The following SMARCC1 variants were observed in gnomAD, a reference collection of about 807,000 sequenced individuals.
SMARCC1 encodes the protein SWI/SNF related BAF chromatin remodeling complex subunit C1.
SMARCC1 carries 43 observed loss-of-function variants against 147.4 expected under a neutral mutation model. The ratio of observed to expected loss-of-function variants is 0.29; its 90% CI spans 0.23 to 0.38. SMARCC1 has a LOEUF of 0.38. Ranked by LOEUF, SMARCC1 falls within the 10% of genes least tolerant of loss-of-function variation. The pLI, the probability that SMARCC1 is intolerant of heterozygous loss-of-function variation, is 1.00. For missense variants in SMARCC1, 1,119 were observed against 1,381.1 expected, an observed-to-expected ratio of 0.81 and a Z score of 3.01; for synonymous variants, 495 against 484.4, an observed-to-expected ratio of 1.02 and a Z score of -0.29.
chr3:47,592,976 T>G (rs1028575473), intron 26 of SMARCC1, among the ~76,000 whole-genome samples: 4 of 152,040 alleles, frequency 2.6e-5, no homozygotes, highest in Admixed American at 6.6e-5. Context: ...TGCACCACCA[T>G]GCCTGGCTCT....
At chr3:47,590,959 A>ATTATT in intron 26 of SMARCC1, 122 bp from the exon 27 acceptor site, 3 of 855,970 alleles carry the variant, frequency 3.5e-6, no homozygotes, top group Non-Finnish European at 5.4e-6. Context: ...ATATCAACAG[A>ATTATT]GCAATAATCT....
At chr3:47,662,636 A>G in intron 19 of SMARCC1, 44 bp from the exon 20 acceptor site, 1 of 1,551,580 alleles carries the variant, frequency 6.4e-7, no homozygotes, top group Non-Finnish European at 8.8e-7. Flanking sequence ...GTAACAAGAA[A>G]GTAATGTGTA....
intron 26 of SMARCC1, among the ~76,000 whole-genome samples, chr3:47,596,489 C>T (rs1422620018): frequency 6.6e-6 from 1 of 151,210 alleles, no homozygotes; most frequent in African/African-American, 2.4e-5. Flanking sequence ...ATTGCTTGAA[C>T]GTGGGAGGCG....
chr3:47,640,645 A>G (rs2033036589), intron 21 of SMARCC1, among the ~76,000 whole-genome samples: 1 of 152,192 alleles, frequency 6.6e-6, no homozygotes, highest in African/African-American at 2.4e-5. Flanking sequence ...GAATTCTACC[A>G]AACTCTTAGG....
intron 21 of SMARCC1, among the ~76,000 whole-genome samples, chr3:47,646,109 C>T (rs1297573944): frequency 6.6e-6 from 1 of 151,876 alleles, no homozygotes; most frequent in Non-Finnish European, 1.5e-5. Context: ...CACTTGAGCC[C>T]AGGAGTTCAA....
intron 14 of SMARCC1, among the ~76,000 whole-genome samples, chr3:47,684,156 C>T (rs1288947432): frequency 2.0e-5 from 3 of 147,048 alleles, no homozygotes; most frequent in Non-Finnish European, 4.5e-5. Context: ...AGGAGAATGG[C>T]GTGAACCCGG....
chr3:47,635,279 C>T lies in SMARCC1; in HGVS notation c.2557G>A (p.Gly853Arg), dbSNP rs201482455. 1.2e-6 allele frequency: 2 copies of T among 1,612,886 alleles called. No homozygotes were observed. Among genetic ancestry groups the T allele is most frequent in the African/African-American group, 2.7e-5 (2 of 75,024 alleles). ...ATTTCATGTTCTACTTTCTTCTTCC[C>T]AGTATCACTTTCTCTTTCTTTACAT... ...DTCKERESDT[G>R]KKKVEHEISE... Residue 853 changes from glycine (G) to arginine (R), a missense_variant, in exon 24 of 28, where the codon GGG (glycine) becomes AGG (arginine). By Grantham distance (125) the Gly-to-Arg change is moderately radical (BLOSUM62 -2). This residue lies in a region of SMARCC1 where 157 missense variants were observed against 158.6 expected (regional missense o/e 0.99). Coordinates refer to ENST00000254480, the MANE Select transcript of SMARCC1 (RefSeq NM_003074.4).
intron 5 of SMARCC1, 97 bp downstream of exon 5, chr3:47,735,937 A>C: frequency 1.7e-6 from 1 of 574,428 alleles, no homozygotes; most frequent in Non-Finnish European, 2.9e-6. Context: ...ATATCAAAAA[A>C]TCCAAAACAT....
At chr3:47,780,890 C>G (rs2035038915) in intron 1 of SMARCC1, among the ~76,000 whole-genome samples, 1 of 151,374 alleles carries the variant, frequency 6.6e-6, no homozygotes, top group Non-Finnish European at 1.5e-5. Context: ...AAACTACTGA[C>G]TCGGCGGAAC....
intron 3 of SMARCC1, among the ~76,000 whole-genome samples, chr3:47,744,396 A>G (rs1288658577): frequency 1.3e-5 from 2 of 152,034 alleles, no homozygotes; most frequent in Admixed American, 1.3e-4. Flanking sequence ...CCAAATCAAT[A>G]TCTATTAAAC....
chr3:47,747,433 T>C (rs2034576310), intron 2 of SMARCC1, among the ~76,000 whole-genome samples: 1 of 14,092 alleles, frequency 7.1e-5, no homozygotes, highest in Admixed American at 1.2e-3. Context: ...CCAGAATTTG[T>C]CTCAAAAAAA....
At chr3:47,639,050 G>A (rs185219592) in intron 21 of SMARCC1, among the ~76,000 whole-genome samples, 1 of 152,266 alleles carries the variant, frequency 6.6e-6, no homozygotes, top group East Asian at 1.9e-4. Flanking sequence ...AGATTCAATT[G>A]GGAAAGGGGA....
Position 47,588,113 on chromosome 3 carries a change from T to C in SMARCC1, c.*96A>G. The C allele has an allele frequency of 1.0e-6, 1 of 990,972 alleles. No homozygotes were observed. 61.4% of individuals were successfully genotyped at this position (990,972 alleles called of 1,614,324 possible). ...GTGCTTGGAGCTGTGAGAAGAAAAA[T>C]CCTGAAAGAAACCCAAGAAAGTTGA... is the stretch of plus-strand genomic sequence containing the variant. On this transcript the variant is annotated 3_prime_UTR_variant, in exon 28 of 28. Coordinates refer to ENST00000254480, the MANE Select transcript of SMARCC1 (RefSeq NM_003074.4).
intron 6 of SMARCC1, among the ~76,000 whole-genome samples, chr3:47,725,130 ATG>A (rs1037806370): frequency 4.6e-5 from 7 of 150,962 alleles, no homozygotes; most frequent in South Asian, 2.1e-4. Flanking sequence ...GATAAATGTT[ATG>A]TGTTTTTTAC....
chr3:47,598,064 C>T (rs1028605168), intron 26 of SMARCC1, among the ~76,000 whole-genome samples: 36 of 152,266 alleles, frequency 2.4e-4, no homozygotes, highest in African/African-American at 8.4e-4. Context: ...CAAAGAGGCA[C>T]CTTTGTTTTT....
intron 12 of SMARCC1, among the ~76,000 whole-genome samples, chr3:47,690,927 A>G (rs1223063509): frequency 1.3e-5 from 2 of 152,230 alleles, no homozygotes; most frequent in African/African-American, 4.8e-5. Flanking sequence ...AAAGAAATCT[A>G]GGTAAGGCTG....
At chr3:47,595,758 G>A (rs2032266498) in intron 26 of SMARCC1, among the ~76,000 whole-genome samples, 3 of 147,976 alleles carry the variant, frequency 2.0e-5, no homozygotes, top group Admixed American at 2.0e-4. Context: ...TTTTGAGACG[G>A]GAGTCTCACT....
intron 2 of SMARCC1, among the ~76,000 whole-genome samples, chr3:47,746,826 G>A (rs1340404109): frequency 1.3e-5 from 2 of 150,554 alleles, no homozygotes; most frequent in East Asian, 3.9e-4. Context: ...CGCCTCCCAG[G>A]TTCAAGTGAT....
intron 2 of SMARCC1, among the ~76,000 whole-genome samples, chr3:47,762,015 C>G (rs1351401565): frequency 6.6e-6 from 1 of 152,166 alleles, no homozygotes; most frequent in Non-Finnish European, 1.5e-5. Flanking sequence ...CTCCTGATTT[C>G]AGGTAATCCG....
Sources: gnomAD v4.1 joint callset for allele counts (sites outside exome capture counted in the v4.1 genomes callset) on GRCh38, gnomAD v4.1.1 for gene constraint, gnomAD v4.1.1 regional missense constraint, MANE v1.5 for transcripts, NCBI Gene and HGNC (gene_info 2026-07-23, HGNC 2026-07-21) for gene names.